Variants in IFT57 observed in about 807,000 individuals in gnomAD.
The protein encoded by IFT57 is intraflagellar transport 57.
In IFT57, 59 loss-of-function variants were observed where a neutral mutation model predicts 56.8. The observed-to-expected ratio is 1.04, with a 90% CI of 0.84 to 1.29. The LOEUF is 1.29. Among genes scored for constraint, IFT57 ranks in the 50% most tolerant of loss-of-function variants. The pLI, the probability that IFT57 is intolerant of heterozygous loss-of-function variation, is 0.00. For synonymous variants in IFT57, 209 were observed against 186.1 expected (o/e 1.12, Z -1.00); for missense variants, 470 against 522.1 (o/e 0.90, Z 0.97).
chr3:108,213,152 T>C (rs547058219), intron 4 of IFT57, among the ~76,000 whole-genome samples: 4 of 152,148 alleles, frequency 2.6e-5, no homozygotes, highest in African/African-American at 9.6e-5. Flanking sequence ...GTTAACTCTT[T>C]ATGTTATTGG....
chr3:108,165,410 G>A (rs1164902265), intron 9 of IFT57, 21 bp downstream of exon 9: 4 of 1,605,768 alleles, frequency 2.5e-6, no homozygotes, highest in Non-Finnish European at 2.6e-6. Context: ...TGAGAAGCAG[G>A]GCAAGAGCAT....
chr3:108,190,187 T>C (rs9841882), intron 6 of IFT57, among the ~76,000 whole-genome samples: 14,660 of 152,218 alleles, frequency 0.096, 771 homozygotes, highest in Middle Eastern at 0.12. Context: ...TTAACCTTGT[T>C]TTTGGACTTG....
intron 6 of IFT57, among the ~76,000 whole-genome samples, chr3:108,190,792 A>G (rs1471192396): frequency 2.0e-5 from 3 of 152,190 alleles, no homozygotes; most frequent in East Asian, 3.9e-4. Flanking sequence ...TATTTTCTTA[A>G]CATTTATTTA....
chr3:108,222,283 C>T lies in IFT57; in HGVS notation c.40G>A (p.Glu14Lys), dbSNP rs1350328952. 1.3e-5 allele frequency: 21 copies of T among 1,613,784 alleles called. No individual in the cohort carries two copies. In the East Asian group the frequency reaches 4.7e-4, roughly 36 times the overall value. Residue 14 changes from glutamate to lysine, a missense_variant, in exon 1 of 11, where the codon GAA becomes AAA. Transcript: ENST00000264538. ...CCACGGGACCTAGGCACCCCATCTT[C>T]CAAACCCGACGTCGTGACGACGGCC... ...ALAVVTTSGLEDGVPRSRGEG... is the reference protein window; with the variant it reads ...ALAVVTTSGLKDGVPRSRGEG...
At chr3:108,197,164 A>G (rs1485983832) in intron 5 of IFT57, among the ~76,000 whole-genome samples, 1 of 152,206 alleles carries the variant, frequency 6.6e-6, no homozygotes, top group Non-Finnish European at 1.5e-5. Context: ...TTAGAAGCTC[A>G]TAAGACACAA....
intron 10 of IFT57, 138 bp downstream of exon 10, chr3:108,163,525 A>AT: frequency 3.3e-6 from 2 of 611,688 alleles, no homozygotes; most frequent in Non-Finnish European, 5.8e-6. Context: ...ATTATCAGAC[A>AT]TTTTTGTACA....
intron 3 of IFT57, among the ~76,000 whole-genome samples, chr3:108,214,883 GTTC>G (rs1333285777): frequency 6.6e-6 from 1 of 152,042 alleles, no homozygotes; most frequent in Non-Finnish European, 1.5e-5. Flanking sequence ...GATTGTTATA[GTTC>G]TTCTTAGATA....
At chr3:108,210,236 A>G (rs1560125392) in intron 4 of IFT57, among the ~76,000 whole-genome samples, 2 of 152,174 alleles carry the variant, frequency 1.3e-5, no homozygotes, top group South Asian at 4.1e-4. Context: ...TTATAAAAAT[A>G]ATTATTAATG....
At chr3:108,190,689 T>C (rs1365590449) in intron 6 of IFT57, among the ~76,000 whole-genome samples, 1 of 152,252 alleles carries the variant, frequency 6.6e-6, no homozygotes, top group Non-Finnish European at 1.5e-5. Flanking sequence ...ACAGTATTTA[T>C]CAAATTGTAA....
chr3:108,194,794 A>G (rs558872491), intron 5 of IFT57, among the ~76,000 whole-genome samples: 4 of 152,350 alleles, frequency 2.6e-5, no homozygotes, highest in African/African-American at 9.6e-5. Context: ...CATATGTAGA[A>G]GAATGAAACT....
At chr3:108,184,280 T>C (rs965368982) in intron 6 of IFT57, among the ~76,000 whole-genome samples, 1 of 152,130 alleles carries the variant, frequency 6.6e-6, no homozygotes, top group African/African-American at 2.4e-5. Context: ...ATAACCACCC[T>C]AGAAGTGCAG....
intron 2 of IFT57, among the ~76,000 whole-genome samples, chr3:108,219,074 A>G (rs757909892): frequency 5.3e-5 from 8 of 152,100 alleles, no homozygotes; most frequent in Middle Eastern, 3.4e-3. Flanking sequence ...GGTCTTAAGT[A>G]CAAGTTCCCT....
intron 1 of IFT57, among the ~76,000 whole-genome samples, chr3:108,220,567 C>T (rs1006587857): frequency 1.3e-5 from 2 of 152,164 alleles, no homozygotes; most frequent in African/African-American, 2.4e-5. Flanking sequence ...TTTCAAAGCA[C>T]CCACCCACCA....
chr3:108,221,284 T>A (rs2080404269), intron 1 of IFT57, among the ~76,000 whole-genome samples: 1 of 152,226 alleles, frequency 6.6e-6, no homozygotes. Flanking sequence ...GAATAAAATA[T>A]ACAAATGTAA....
At chr3:108,201,815 C>T (rs557823560) in intron 5 of IFT57, among the ~76,000 whole-genome samples, 55 of 152,264 alleles carry the variant, frequency 3.6e-4, no homozygotes, top group African/African-American at 1.3e-3. Flanking sequence ...CATCTTCTTC[C>T]TCTCTTTGAT....
chr3:108,196,066 T>C (rs112459609), intron 5 of IFT57, among the ~76,000 whole-genome samples: 30 of 152,250 alleles, frequency 2.0e-4, no homozygotes, highest in African/African-American at 6.5e-4. Flanking sequence ...GATCTGATCA[T>C]TACGCATTGT....
intron 6 of IFT57, among the ~76,000 whole-genome samples, chr3:108,181,668 T>G (rs1003548556): frequency 2.6e-5 from 4 of 152,144 alleles, no homozygotes; most frequent in African/African-American, 4.8e-5. Context: ...AATTGTATTT[T>G]GTTTAAACAG....
At chr3:108,208,557 TC>T (rs1223560572) in intron 4 of IFT57, among the ~76,000 whole-genome samples, 2 of 152,160 alleles carry the variant, frequency 1.3e-5, no homozygotes, top group African/African-American at 4.8e-5. Context: ...GATTTACAGG[TC>T]CAGGAATCAA....
rs750698644 is a variant in IFT57 at position 108,166,892 on chromosome 3, C to T, written c.943G>A (p.Val315Ile). 1.2e-6 allele frequency: 2 copies of T among 1,611,620 alleles called. No individual in the cohort carries two copies. The change falls in exon 8 of 11, where the codon GTT becomes ATT. Residue 315 changes from valine (V) to isoleucine (I), a missense_variant. Physicochemically the swap from Val to Ile is conservative, Grantham distance 29 (BLOSUM62 3). Transcript: ENST00000264538. ...GCTTGAGCTGCACGATATTCTTGAA[C>T]CAAATTCTCAAGCTGATTGTTGATG... The part of the protein sequence containing the change: ...KYINNQLENL[V>I]QEYRAAQAQL...
Sources: gnomAD v4.1 joint callset for allele counts (sites outside exome capture counted in the v4.1 genomes callset) on GRCh38, gnomAD v4.1.1 for gene constraint, MANE v1.5 for transcripts, NCBI Gene and HGNC (gene_info 2026-07-23, HGNC 2026-07-21) for gene names.